The following DIAPH2 variants were observed in gnomAD, a reference collection of about 807,000 sequenced individuals.
DIAPH2 encodes the protein diaphanous related formin 2, also known as protein diaphanous homolog 2.
In DIAPH2, 35 loss-of-function variants were observed where a neutral mutation model predicts 92.7. The ratio of observed to expected loss-of-function variants is 0.38; its 90% CI spans 0.29 to 0.50. The LOEUF is 0.50. Among genes scored for constraint, DIAPH2 ranks in the 20% least tolerant of loss-of-function variants. DIAPH2 has a pLI of 0.94. For synonymous variants in DIAPH2, 301 were observed against 280.4 expected (o/e 1.07, Z -0.73); for missense variants, 701 against 819.5 (o/e 0.86, Z 1.77).
chrX:96,937,977 G>A (rs1376537001), intron 11 of DIAPH2, among the ~76,000 whole-genome samples: 1 of 111,331 alleles, frequency 9.0e-6, no homozygotes, highest in Non-Finnish European at 1.9e-5. Flanking sequence ...CACCTGTTAT[G>A]TTTCTTACTT....
intron 26 of DIAPH2, among the ~76,000 whole-genome samples, chrX:97,561,516 C>G (rs1181709762): frequency 8.9e-6 from 1 of 112,395 alleles, no homozygotes. Context: ...TTGACTGTCT[C>G]TCTTTTAAAT....
At chrX:97,531,743 C>A (rs752167472) in intron 26 of DIAPH2, among the ~76,000 whole-genome samples, 2 of 111,930 alleles carry the variant, frequency 1.8e-5, no homozygotes, top group Admixed American at 9.4e-5. Context: ...ATGATGATTA[C>A]AATTTATTAG....
chrX:96,763,959 A>C (rs536580075), intron 4 of DIAPH2, among the ~76,000 whole-genome samples: 16 of 104,061 alleles, frequency 1.5e-4, no homozygotes, highest in African/African-American at 5.0e-4. Context: ...TCTTTTCATT[A>C]TCTTACTCTT....
chrX:96,920,715 G>T, intron 9 of DIAPH2, among the ~76,000 whole-genome samples: 1 of 112,301 alleles, frequency 8.9e-6, no homozygotes. Context: ...CAGGAAGCTG[G>T]ACAGAATGGA....
chrX:97,441,187 C>T (rs2070253242), intron 26 of DIAPH2, among the ~76,000 whole-genome samples: 1 of 107,675 alleles, frequency 9.3e-6, no homozygotes. Flanking sequence ...AGGCTGAGGC[C>T]GACAGATCAC....
intron 26 of DIAPH2, among the ~76,000 whole-genome samples, chrX:97,589,802 G>A (rs1356703903): frequency 1.8e-5 from 2 of 112,247 alleles, no homozygotes; most frequent in African/African-American, 6.5e-5. Flanking sequence ...GGCTCAGCCT[G>A]GCACTCAGGT....
chrX:96,761,892 C>T (rs1406286090), intron 4 of DIAPH2, among the ~76,000 whole-genome samples: 1 of 111,386 alleles, frequency 9.0e-6, no homozygotes, highest in Non-Finnish European at 1.9e-5. Context: ...TAAATAATCA[C>T]TGCTTGTAAA....
chrX:97,209,895 CA>C (rs1419872712), intron 22 of DIAPH2, among the ~76,000 whole-genome samples: 5 of 110,538 alleles, frequency 4.5e-5, no homozygotes, highest in Non-Finnish European at 9.5e-5. Context: ...TATTTATAAG[CA>C]TTTAGTATAT....
intron 23 of DIAPH2, among the ~76,000 whole-genome samples, chrX:97,307,080 TTA>T (rs755873131): frequency 3.9e-4 from 44 of 111,805 alleles, no homozygotes; most frequent in African/African-American, 1.3e-3. Flanking sequence ...GAAGCTCTTA[TTA>T]TATGTATAAA....
chrX:97,500,628 G>A (rs1367559786), intron 26 of DIAPH2, among the ~76,000 whole-genome samples: 1 of 108,051 alleles, frequency 9.3e-6, no homozygotes, highest in Admixed American at 1.0e-4. Flanking sequence ...CTGCTTTTGC[G>A]TAGAACATTT....
intron 17 of DIAPH2, among the ~76,000 whole-genome samples, chrX:97,004,170 A>G (rs1353039686): frequency 9.0e-6 from 1 of 111,060 alleles, no homozygotes; most frequent in Admixed American, 9.6e-5. Context: ...TGCCAGTACC[A>G]TGGTGTTTTG....
In DIAPH2 at chrX:97,434,716, T is replaced by C. The variant is rs767302452; in HGVS notation, c.3241+4971T>C. On this transcript the variant is annotated intron_variant, in intron 26 of 26. Coordinates refer to ENST00000324765, the MANE Select transcript of DIAPH2 (RefSeq NM_006729.5). ...TGAGCTACCGCACCCAGCCGTAAGG[T>C]TACTAAACTATTAAGATCAAGAAAA... 5.4e-5 allele frequency among the ~76,000 whole-genome samples: 6 copies of C among 111,431 alleles called. No individual in the cohort carries two copies. In the South Asian group the frequency reaches 2.3e-3, roughly 42 times the overall value.
At chrX:97,243,228 C>G (rs1284067336) in intron 22 of DIAPH2, among the ~76,000 whole-genome samples, 1 of 108,264 alleles carries the variant, frequency 9.2e-6, no homozygotes, top group Non-Finnish European at 1.9e-5. Context: ...CACTAAACAA[C>G]CAGCATTTTT....
Position 97,301,128 on chromosome X carries a change from G to A in DIAPH2, c.2845-46988G>A, listed in dbSNP as rs1366795987. 3.2e-3 allele frequency among the ~76,000 whole-genome samples: 288 copies of A among 90,736 alleles called. 1 individual carries two copies. The highest frequency in any genetic ancestry group is 0.012 in the African/African-American group (280 of 23,839). The allele number at this position is 90,736 out of a possible 115,157, so 78.8% of individuals were successfully genotyped here. A position where few individuals can be genotyped will look rare whatever the true frequency, so the allele number is the denominator to read the frequency against. ...ATCGCGCCACTGCACTCCAGCGTAG[G>A]CCACAGAGCGAGACTCCGTCTCAAA... is the stretch of plus-strand genomic sequence containing the variant. On this transcript the variant is annotated intron_variant, in intron 23 of 26. Coordinates refer to ENST00000324765, the MANE Select transcript of DIAPH2 (RefSeq NM_006729.5).
chrX:97,528,667 T>A (rs2071039352), intron 26 of DIAPH2: 1 of 111,822 alleles, frequency 8.9e-6, no homozygotes, highest in African/African-American at 3.3e-5. Flanking sequence ...CCCAAATTCC[T>A]CCCATCGGGC....
intron 19 of DIAPH2, among the ~76,000 whole-genome samples, chrX:97,087,975 A>G (rs572238410): frequency 9.0e-6 from 1 of 111,043 alleles, no homozygotes; most frequent in South Asian, 3.8e-4. Flanking sequence ...CTAGACTACT[A>G]TTGTTTTCTA....
chrX:97,008,290 A>T (rs1377530181), intron 17 of DIAPH2, among the ~76,000 whole-genome samples: 1 of 108,658 alleles, frequency 9.2e-6, no homozygotes, highest in East Asian at 2.9e-4. Flanking sequence ...TCTTTGTTAA[A>T]TTTTTCTGCT....
intron 25 of DIAPH2, among the ~76,000 whole-genome samples, chrX:97,384,480 C>A (rs2069580223): frequency 8.9e-6 from 1 of 111,836 alleles, no homozygotes; most frequent in South Asian, 3.7e-4. Flanking sequence ...GAAATATTGA[C>A]AGCACTATTA....
At chrX:96,981,864 C>A (rs763299259) in intron 17 of DIAPH2, among the ~76,000 whole-genome samples, 2 of 111,766 alleles carry the variant, frequency 1.8e-5, no homozygotes, top group East Asian at 5.6e-4. Context: ...ATCCCTTTAT[C>A]TGCCCCACAG....
Sources: gnomAD v4.1 joint callset for allele counts (sites outside exome capture counted in the v4.1 genomes callset) on GRCh38, gnomAD v4.1.1 for gene constraint, MANE v1.5 for transcripts, NCBI Gene and HGNC (gene_info 2026-07-23, HGNC 2026-07-21) for gene names.